The following ZEB1 variants were observed in gnomAD, a reference collection of about 807,000 sequenced individuals.
The protein encoded by ZEB1 is zinc finger E-box binding homeobox 1.
ZEB1 carries 21 observed loss-of-function variants against 84.9 expected under a neutral mutation model. The observed-to-expected ratio is 0.25, with a 90% CI of 0.18 to 0.36. ZEB1 has a LOEUF of 0.36. ZEB1 is among the 10% of genes least tolerant of loss of function. ZEB1 has a pLI of 1.00. For synonymous variants in ZEB1, 420 were observed against 471.1 expected, an observed-to-expected ratio of 0.89 and a Z score of 1.41; for missense variants, 1,104 against 1,330.2, an observed-to-expected ratio of 0.83 and a Z score of 2.65.
intron 3 of ZEB1, among the ~76,000 whole-genome samples, chr10:31,500,920 A>G (rs902692096): frequency 1.3e-5 from 2 of 152,212 alleles, no homozygotes; most frequent in African/African-American, 4.8e-5. Context: ...TTCTTGGTAT[A>G]TAGCAAATGC....
intron 4 of ZEB1, among the ~76,000 whole-genome samples, chr10:31,503,109 G>A (rs2068399994): frequency 6.6e-6 from 1 of 151,976 alleles, no homozygotes; most frequent in African/African-American, 2.4e-5. Context: ...AAAAATATAT[G>A]TATATTTACG....
intron 2 of ZEB1, among the ~76,000 whole-genome samples, chr10:31,462,855 G>A (rs1349669679): frequency 3.3e-5 from 5 of 152,148 alleles, no homozygotes; most frequent in African/African-American, 1.2e-4. Context: ...ATCAGGCAGT[G>A]TTAAGGGTTT....
chr10:31,331,081 C>CTTTCTTT (rs1228003563), intron 1 of ZEB1, among the ~76,000 whole-genome samples: 2 of 77,872 alleles, frequency 2.6e-5, no homozygotes, highest in African/African-American at 5.7e-5. Flanking sequence ...TTCTTTCTTT[C>CTTTCTTT]TTTTTTTTTT....
At chr10:31,391,408 G>A (rs1210318728) in intron 1 of ZEB1, among the ~76,000 whole-genome samples, 16 of 152,090 alleles carry the variant, frequency 1.1e-4, no homozygotes, top group Admixed American at 1.0e-3. Context: ...TAAGAAGGAA[G>A]GTATTGGAGT....
At chr10:31,399,324 A>G (rs1407232591) in intron 1 of ZEB1, among the ~76,000 whole-genome samples, 3 of 151,956 alleles carry the variant, frequency 2.0e-5, no homozygotes, top group African/African-American at 7.3e-5. Flanking sequence ...GTAATATAGT[A>G]AACTGAATTC....
rs1003033943 is a variant in ZEB1 at position 31,520,423 on chromosome 10, G to C, written c.1091G>C (p.Gly364Ala). 1.2e-6 allele frequency: 2 copies of C among 1,613,968 alleles called. No homozygotes were observed. Among genetic ancestry groups the C allele is most frequent in the Non-Finnish European group, 1.7e-6 (2 of 1,179,948 alleles). ...TTCAAACCCATAGTGGTTGCTTCAG[G>C]AATCAACTGTTCAACCCCTTTACAA... ...YEFKPIVVAS[G>A]INCSTPLQNG... The change falls in exon 7 of 9, where the codon GGA becomes GCA. Residue 364 changes from glycine (G) to alanine (A), a missense_variant. Physicochemically the swap from Gly to Ala is moderately conservative, Grantham distance 60. Transcript: ENST00000424869. The surrounding 1 kb of genome is among the most constrained non-coding windows in gnomAD (Gnocchi z 5.1).
chr10:31,346,016 T>G lies in ZEB1; in HGVS notation c.58+26724T>G, dbSNP rs553715320. The stretch of plus-strand genomic sequence containing the variant: ...TAGAACTGAGAACCTCAAAAAGTTA[T>G]GTAATTTGGCTTACATCACAAGAGC... On this transcript the variant is annotated intron_variant, in intron 1 of 8. Transcript: ENST00000424869. Among the ~76,000 whole-genome samples the G allele has an allele frequency of 9.5e-4, 144 of 152,342 alleles. 2 individuals are homozygous for G. The highest frequency in any genetic ancestry group is 3.4e-3 in the African/African-American group (141 of 41,586).
At chr10:31,402,612 T>G (rs918635192) in intron 1 of ZEB1, among the ~76,000 whole-genome samples, 12 of 152,158 alleles carry the variant, frequency 7.9e-5, no homozygotes, top group Non-Finnish European at 1.5e-4. Flanking sequence ...CTGCTGAAGT[T>G]TCTTCCAGCT....
At chr10:31,384,267 C>T (rs760764789) in intron 1 of ZEB1, among the ~76,000 whole-genome samples, 7 of 151,772 alleles carry the variant, frequency 4.6e-5, no homozygotes, top group African/African-American at 1.2e-4. Flanking sequence ...TGAGCCACTG[C>T]GCATGACCTA....
intron 1 of ZEB1, chr10:31,375,046 TACACACACACACACAC>T (rs146271736): frequency 4.0e-4 from 53 of 132,408 alleles, no homozygotes; most frequent in African/African-American, 9.7e-4. Flanking sequence ...ATGTTTTTCA[TACACACACACACACAC>T]ACACACACAC....
chr10:31,497,277 C>A (rs1374292785), intron 3 of ZEB1, among the ~76,000 whole-genome samples: 1 of 152,014 alleles, frequency 6.6e-6, no homozygotes, highest in African/African-American at 2.4e-5. Flanking sequence ...AAAAGATGCT[C>A]ACAGGTTTAC....
intron 2 of ZEB1, among the ~76,000 whole-genome samples, chr10:31,480,012 T>C (rs2064830414): frequency 6.6e-6 from 1 of 151,988 alleles, no homozygotes; most frequent in Non-Finnish European, 1.5e-5. Context: ...TTTTTAAGTA[T>C]AACTTTTGAA....
intron 4 of ZEB1, among the ~76,000 whole-genome samples, chr10:31,503,759 A>G (rs1206752948): frequency 6.6e-6 from 1 of 151,832 alleles, no homozygotes; most frequent in African/African-American, 2.4e-5. Flanking sequence ...TAGCAATACT[A>G]ACTGGGATGA....
At position 31,520,320 on chromosome 10, in the gene ZEB1, C is replaced by A. The variant is rs754576407; in HGVS notation, c.988C>A (p.Arg330=). Residue 330 remains arginine (R), a synonymous_variant, in exon 7 of 9, where the codon CGG becomes AGG. Coordinates refer to ENST00000424869, the MANE Select transcript of ZEB1 (RefSeq NM_001174096.2). This position sits in a 1 kb window ranked among gnomAD's most constrained non-coding sequence, Gnocchi z 5.1. ...SPGSPTRPQI[R]QKIENKPLQE... The stretch of plus-strand genomic sequence containing the variant: ...AGGCAGTCCCACACGACCACAGATA[C>A]GGCAAAAGATAGAGAATAAACCCCT... 4.3e-6 allele frequency: 7 copies of A among 1,613,814 alleles called. No individual in the cohort carries two copies. The highest frequency in any genetic ancestry group is 5.9e-6 in the Non-Finnish European group (7 of 1,179,924).
chr10:31,356,450 G>A (rs956626214), intron 1 of ZEB1, among the ~76,000 whole-genome samples: 1 of 151,974 alleles, frequency 6.6e-6, no homozygotes. Context: ...CCTATTGGTT[G>A]ATTGATTGAA....
intron 1 of ZEB1, among the ~76,000 whole-genome samples, chr10:31,414,310 A>C (rs2054826931): frequency 1.3e-5 from 2 of 152,166 alleles, no homozygotes; most frequent in South Asian, 2.1e-4. Context: ...GTAGTAATTT[A>C]ATGAAAAAAA....
intron 5 of ZEB1, among the ~76,000 whole-genome samples, chr10:31,512,921 T>TG (rs2070359182): frequency 6.6e-6 from 1 of 152,104 alleles, no homozygotes; most frequent in African/African-American, 2.4e-5. Context: ...CAGAACCTGC[T>TG]GGGCACACAC....
chr10:31,514,123 G>A (rs1230250797), intron 5 of ZEB1, among the ~76,000 whole-genome samples: 1 of 151,994 alleles, frequency 6.6e-6, no homozygotes, highest in African/African-American at 2.4e-5. Context: ...AAATAGAAGA[G>A]ACAGGATAAA....
intron 1 of ZEB1, chr10:31,358,699 T>G (rs1443159383): frequency 6.6e-6 from 1 of 152,214 alleles, no homozygotes; most frequent in African/African-American, 2.4e-5. Flanking sequence ...ATACTTATTT[T>G]TAAAGTTTAA....
Sources: allele counts gnomAD v4.1 joint callset (sites outside exome capture counted in the v4.1 genomes callset), GRCh38; gene constraint gnomAD v4.1.1; non-coding constraint Gnocchi (gnomAD v3.1); transcripts MANE v1.5; gene names NCBI Gene and HGNC (gene_info 2026-07-23, HGNC 2026-07-21).